The following FOXF2 variants were observed in gnomAD, a reference collection of about 807,000 sequenced individuals.
FOXF2 encodes forkhead box protein F2.
A neutral mutation model predicts 29.1 loss-of-function variants in FOXF2; 15 were observed. The ratio of observed to expected loss-of-function variants is 0.52; its 90% CI spans 0.35 to 0.79. FOXF2 has a LOEUF of 0.79. Ranked by LOEUF, FOXF2 falls within the 30% of genes least tolerant of loss-of-function variation. FOXF2 has a pLI of 0.01. For missense variants in FOXF2, 675 were observed against 667.1 expected (o/e 1.01, Z -0.13); for synonymous variants, 337 against 316.5 (o/e 1.06, Z -0.69).
intron 1 of FOXF2, among the ~76,000 whole-genome samples, chr6:1,393,125 C>T (rs1438969241): frequency 2.6e-5 from 4 of 152,054 alleles, no homozygotes; most frequent in East Asian, 2.0e-4. Flanking sequence ...GCAGTCTCCC[C>T]GGCACACAGA....
Position 1,391,059 on chromosome 6 carries a change from T to C in FOXF2, c.1112T>C (p.Met371Thr). 6.2e-7 allele frequency: 1 copy of C among 1,603,032 alleles called. No homozygotes were observed. Among genetic ancestry groups the C allele is most frequent in the Non-Finnish European group, 8.5e-7 (1 of 1,179,116 alleles). The change falls in exon 1 of 2, where the codon ATG becomes ACG. Residue 371 changes from methionine to threonine, a missense_variant. By Grantham distance (81) the Met-to-Thr change is moderately conservative. This residue lies in a region of FOXF2 where 451 missense variants were observed against 437.2 expected (regional missense o/e 1.03). Transcript: ENST00000645481. ...GCCTCGGCAGGCCTGCACTCCAGCA[T>C]GTCCTCCTACTCGCTGGAGCAGAGC... ...PAASAGLHSS[M>T]SSYSLEQSYL...
rs925802739 is a variant in FOXF2 at position 1,390,590 on chromosome 6, G to C, written c.643G>C (p.Gly215Arg). ...GTACCACCGCGTGGTGAGCGGCTTG[G>C]GCTTCGGGGCGTCGCTGCTGCCCCA... ...PMYHRVVSGL[G>R]FGASLLPQGF... The change falls in exon 1 of 2, where the codon GGC becomes CGC. Residue 215 changes from glycine to arginine, a missense_variant. Physicochemically the swap from Gly to Arg is moderately radical, Grantham distance 125 (BLOSUM62 -2). This residue lies in a region of FOXF2 where 451 missense variants were observed against 437.2 expected (regional missense o/e 1.03). Coordinates refer to ENST00000645481, the MANE Select transcript of FOXF2 (RefSeq NM_001452.2). The surrounding 1 kb of genome is among the most constrained non-coding windows in gnomAD (Gnocchi z 8.5). 1.3e-6 allele frequency: 2 copies of C among 1,597,582 alleles called. No homozygotes were observed. The highest frequency in any genetic ancestry group is 2.2e-5 in the South Asian group (2 of 90,508).
Position 1,391,262 on chromosome 6 carries a change from G to A in FOXF2, c.1171+144G>A. 4.2e-6 allele frequency: 6 copies of A among 1,422,966 alleles called. No homozygotes were observed. The East Asian group carries it at 9.9e-5, about 24-fold the overall frequency. 88.1% of individuals were successfully genotyped at this position (1,422,966 alleles called of 1,614,324 possible). A position where few individuals can be genotyped will look rare whatever the true frequency, so the allele number is the denominator to read the frequency against. On this transcript the variant is annotated intron_variant, in intron 1 of 1. Coordinates refer to ENST00000645481, the MANE Select transcript of FOXF2 (RefSeq NM_001452.2). ...GGAAAAGCAGATGCTGGGGAAAGCCGGCATCTTATTCGTGGGAGCAGGGAT... is the reference window on the plus strand; with the variant it reads ...GGAAAAGCAGATGCTGGGGAAAGCCAGCATCTTATTCGTGGGAGCAGGGAT...
chr6:1,391,102 T>C lies in FOXF2; in HGVS notation c.1155T>C (p.Ala385=). The C allele has an allele frequency of 1.2e-6, 2 of 1,602,680 alleles. No individual in the cohort carries two copies. The highest frequency in any genetic ancestry group is 1.7e-6 in the Non-Finnish European group (2 of 1,179,772). ...SLEQSYLHQN[A]REDLSVGLPR... ...AGCAGAGCTACTTGCACCAGAACGC[T>C]CGCGAGGACCTCTCAGGTAACGCAG... Residue 385 remains alanine, a synonymous_variant, in exon 1 of 2, where the codon GCT becomes GCC. Coordinates refer to ENST00000645481, the MANE Select transcript of FOXF2 (RefSeq NM_001452.2).
intron 1 of FOXF2, 116 bp downstream of exon 1, chr6:1,391,234 C>A: frequency 1.3e-6 from 2 of 1,518,690 alleles, no homozygotes; most frequent in Admixed American, 3.9e-5. Flanking sequence ...TCTGAGGGCA[C>A]TGGGAAAAGC....
chr6:1,392,479 C>G (rs1758809761), intron 1 of FOXF2, among the ~76,000 whole-genome samples: 1 of 151,272 alleles, frequency 6.6e-6, no homozygotes, highest in African/African-American at 2.4e-5. Context: ...CACACACACC[C>G]CTCGGTGCAC....
rs747250999 is a variant in FOXF2 at position 1,390,418 on chromosome 6, C to T, written c.471C>T (p.Cys157=). The T allele has an allele frequency of 1.2e-6, 2 of 1,611,910 alleles. No homozygotes were observed. The highest frequency in any genetic ancestry group is 1.1e-5 in the South Asian group (1 of 91,088). The part of the protein sequence containing the change: ...SVRHNLSLNE[C]FIKLPKGLGR... ...GCCACAATCTCTCGCTCAACGAGTG[C>T]TTCATCAAGCTGCCTAAGGGCCTCG... Residue 157 remains cysteine, a synonymous_variant, in exon 1 of 2, where the codon TGC becomes TGT. Transcript: ENST00000645481. This position sits in a 1 kb window ranked among gnomAD's most constrained non-coding sequence, Gnocchi z 8.5.
intron 1 of FOXF2, among the ~76,000 whole-genome samples, chr6:1,392,994 G>A (rs1758823733): frequency 6.6e-6 from 1 of 152,212 alleles, no homozygotes; most frequent in East Asian, 1.9e-4. Context: ...CATCTCCCTG[G>A]AGCGCCAGCG....
In FOXF2 at chr6:1,394,798, G is replaced by A. The variant is rs1281365726; in HGVS notation, c.1274G>A (p.Gly425Glu). The A allele has an allele frequency of 5.6e-6, 9 of 1,613,936 alleles. No homozygotes were observed. The highest frequency in any genetic ancestry group is 1.7e-5 in the Admixed American group (1 of 59,998). The change falls in exon 2 of 2, where the codon GGG becomes GAG. Residue 425 changes from glycine to glutamate, a missense_variant. Transcript: ENST00000645481. ...TCTTCTTTCCATCCCTCAGCTAGCG[G>A]GTCGTATTATCACCATCACCACCAG... is the stretch of plus-strand genomic sequence containing the variant. ...GISSFHPSAS[G>E]SYYHHHHQSV...
Position 1,390,296 on chromosome 6 carries a change from C to A in FOXF2, c.349C>A (p.Pro117Thr). The A allele has an allele frequency of 1.2e-6, 2 of 1,612,948 alleles. No individual in the cohort carries two copies. Among genetic ancestry groups the A allele is most frequent in the South Asian group, 1.1e-5 (1 of 91,060 alleles). Reference protein sequence around the residue: ...ALIVMAIQSSPSKRLTLSEIY... With the variant: ...ALIVMAIQSSTSKRLTLSEIY... ...CATCGTCATGGCCATCCAGAGCTCG[C>A]CCAGCAAGCGCCTGACGCTCAGCGA... is the stretch of plus-strand genomic sequence containing the variant. Residue 117 changes from proline (P) to threonine (T), a missense_variant, in exon 1 of 2, where the codon CCC (proline) becomes ACC (threonine). Transcript: ENST00000645481. This position sits in a 1 kb window ranked among gnomAD's most constrained non-coding sequence, Gnocchi z 8.5.
Position 1,390,211 on chromosome 6 carries a change from C to T in FOXF2, c.264C>T (p.Ala88=), listed in dbSNP as rs757019960. ...GGGAGAGSGG[A]KKASSGLRRP... ...GCGCGGGCGCCGGGAGCGGGGGCGC[C>T]AAGAAGGCGAGCTCGGGGCTGCGGC... Residue 88 remains alanine, a synonymous_variant, in exon 1 of 2, where the codon GCC becomes GCT. Transcript: ENST00000645481. This position sits in a 1 kb window ranked among gnomAD's most constrained non-coding sequence, Gnocchi z 8.5. 3.9e-6 allele frequency: 6 copies of T among 1,550,738 alleles called. No homozygotes were observed. Among genetic ancestry groups the T allele is most frequent in the Non-Finnish European group, 8.7e-7 (1 of 1,152,746 alleles).
chr6:1,391,624 T>G (rs1201709482), intron 1 of FOXF2, among the ~76,000 whole-genome samples: 1 of 152,056 alleles, frequency 6.6e-6, no homozygotes, highest in Non-Finnish European at 1.5e-5. Context: ...GGGCAAGTGT[T>G]AAGAGGAGGG....
In FOXF2 at chr6:1,390,364, C is replaced by T. The variant is rs376505537; in HGVS notation, c.417C>T (p.Gly139=). 3.1e-6 allele frequency: 5 copies of T among 1,612,694 alleles called. No individual in the cohort carries two copies. In the Admixed American group the frequency reaches 8.3e-5, roughly 27 times the overall value. The part of the protein sequence containing the change: ...FLQARFPFFR[G]AYQGWKNSVR... ...AGGCGCGCTTCCCCTTCTTCCGCGG[C>T]GCCTACCAGGGCTGGAAGAACTCGG... is the stretch of plus-strand genomic sequence containing the variant. The change falls in exon 1 of 2, where the codon GGC becomes GGT. Residue 139 remains glycine, a synonymous_variant. Transcript: ENST00000645481. The surrounding 1 kb of genome is among the most constrained non-coding windows in gnomAD (Gnocchi z 8.5).
chr6:1,393,665 C>A (rs1758842645), intron 1 of FOXF2, among the ~76,000 whole-genome samples: 1 of 152,174 alleles, frequency 6.6e-6, no homozygotes. Flanking sequence ...TTACGGTTTT[C>A]TTGCACTGAA....
chr6:1,394,755 C>G lies in FOXF2; in HGVS notation c.1231C>G (p.Leu411Val), dbSNP rs1459917173. Residue 411 changes from leucine to valine, a missense_variant, in exon 2 of 2, where the codon CTC becomes GTC. This residue lies in a region of FOXF2 where 451 missense variants were observed against 437.2 expected (regional missense o/e 1.03). Coordinates refer to ENST00000645481, the MANE Select transcript of FOXF2 (RefSeq NM_001452.2). ...TPVCDRKDFV[L>V]NFNGISSFHP... is the part of the protein sequence containing the mutation. ...AGTGTGTGACAGAAAAGATTTCGTC[C>G]TCAACTTCAATGGGATTTCTTCTTT... 1 of 1,614,066 alleles carries G rather than the reference C, an allele frequency of 6.2e-7. No homozygotes were observed. Among genetic ancestry groups the G allele is most frequent in the South Asian group, 1.1e-5 (1 of 91,084 alleles).
Position 1,390,076 on chromosome 6 carries a change from G to C in FOXF2, c.129G>C (p.Glu43Asp). The part of the protein sequence containing the change: ...AAAAAAAAAP[E>D]TTSSSSSSSS... Reference sequence around the variant, plus strand: ...CCGCCGCCGCCGCCGCCGCCCCGGAGACCACCTCCTCCTCCTCGTCGTCGT... The same window carrying C: ...CCGCCGCCGCCGCCGCCGCCCCGGACACCACCTCCTCCTCCTCGTCGTCGT... The change falls in exon 1 of 2, where the codon GAG (glutamate) becomes GAC (aspartate). Residue 43 changes from glutamate (E) to aspartate (D), a missense_variant. By Grantham distance (45) the Glu-to-Asp change is conservative. Around this residue, in one of 3 missense-constraint regions of FOXF2, gnomAD observed 220 missense variants for 205.5 expected, o/e 1.07. Coordinates refer to ENST00000645481, the MANE Select transcript of FOXF2 (RefSeq NM_001452.2). The surrounding 1 kb of genome is among the most constrained non-coding windows in gnomAD (Gnocchi z 8.5). 1 of 1,406,280 alleles carries C rather than the reference G, an allele frequency of 7.1e-7. No individual in the cohort carries two copies. Among genetic ancestry groups the C allele is most frequent in the Non-Finnish European group, 9.3e-7 (1 of 1,071,792 alleles). The allele number at this position is 1,406,280 out of a possible 1,614,324, so 87.1% of individuals were successfully genotyped here. A position where few individuals can be genotyped will look rare whatever the true frequency, so the allele number is the denominator to read the frequency against.
At position 1,390,070 on chromosome 6, in the gene FOXF2, C is replaced by CGCCGCT; in HGVS notation, c.123_124insGCCGCT (p.Ala40_Ala41dup). The CGCCGCT allele has an allele frequency of 2.1e-6, 3 of 1,397,790 alleles. No individual in the cohort carries two copies. The highest frequency in any genetic ancestry group is 2.8e-6 in the Non-Finnish European group (3 of 1,066,754). 86.6% of individuals were successfully genotyped at this position (1,397,790 alleles called of 1,614,324 possible). A position where few individuals can be genotyped will look rare whatever the true frequency, so the allele number is the denominator to read the frequency against. On this transcript the variant is annotated inframe_insertion, in exon 1 of 2. Transcript: ENST00000645481. The surrounding 1 kb of genome is among the most constrained non-coding windows in gnomAD (Gnocchi z 8.5). Reference sequence around the variant, plus strand: ...CCGCCGCCGCCGCCGCCGCCGCCGCCCCGGAGACCACCTCCTCCTCCTCGT... The same window carrying CGCCGCT: ...CCGCCGCCGCCGCCGCCGCCGCCGCCGCCGCTCCGGAGACCACCTCCTCCTCCTCGT...
chr6:1,392,539 G>A lies in FOXF2; in HGVS notation c.1171+1421G>A, dbSNP rs572287182. ...CTGCTCCTCTCCCAGCCTGCCAGCT[G>A]CCCTCCCTGCTCCCCTTCTTCTCCT... is the stretch of plus-strand genomic sequence containing the variant. On this transcript the variant is annotated intron_variant, in intron 1 of 1. Transcript: ENST00000645481. Among the ~76,000 whole-genome samples the A allele has an allele frequency of 2.9e-4, 44 of 149,406 alleles. 1 individual carries two copies. The South Asian group carries it at 4.7e-3, about 16-fold the overall frequency.
Position 1,390,274 on chromosome 6 carries a change from C to T in FOXF2, c.327C>T (p.Ile109=). ...CGCCCTACTCGTACATCGCGCTCAT[C>T]GTCATGGCCATCCAGAGCTCGCCCA... is the stretch of plus-strand genomic sequence containing the variant. The part of the protein sequence containing the change: ...EKPPYSYIAL[I]VMAIQSSPSK... The change falls in exon 1 of 2, where the codon ATC becomes ATT. Residue 109 remains isoleucine, a synonymous_variant. Transcript: ENST00000645481. This position sits in a 1 kb window ranked among gnomAD's most constrained non-coding sequence, Gnocchi z 8.5. 4 of 1,612,378 alleles carry T rather than the reference C, an allele frequency of 2.5e-6. No individual in the cohort carries two copies. Among genetic ancestry groups the T allele is most frequent in the Non-Finnish European group, 3.4e-6 (4 of 1,179,782 alleles).
Sources: gnomAD v4.1 joint callset for allele counts (sites outside exome capture counted in the v4.1 genomes callset) on GRCh38, gnomAD v4.1.1 for gene constraint, gnomAD v4.1.1 regional missense constraint, Gnocchi (gnomAD v3.1) non-coding constraint, MANE v1.5 for transcripts, NCBI Gene and HGNC (gene_info 2026-07-23, HGNC 2026-07-21) for gene names.